The following BCL11B variants were observed in gnomAD, a reference collection of about 807,000 sequenced individuals.
BCL11B encodes B-cell lymphoma/leukemia 11B.
In BCL11B, 8 loss-of-function variants were observed where a neutral mutation model predicts 49.9. The observed-to-expected ratio is 0.16, with a 90% CI of 0.09 to 0.29. The LOEUF (loss-of-function observed/expected upper bound fraction) is 0.29. Among genes scored for constraint, BCL11B ranks in the 10% least tolerant of loss-of-function variants. The pLI, the probability that BCL11B is intolerant of heterozygous loss-of-function variation, is 1.00. For missense variants in BCL11B, 1,006 were observed against 1,351.0 expected, an observed-to-expected ratio of 0.74 and a Z score of 4.00; for synonymous variants, 739 against 637.4, an observed-to-expected ratio of 1.16 and a Z score of -2.40.
intron 3 of BCL11B, among the ~76,000 whole-genome samples, chr14:99,226,195 T>TA: frequency 6.6e-6 from 1 of 152,308 alleles, no homozygotes; most frequent in Admixed American, 6.5e-5. Context: ...GAAAGCCCTT[T>TA]TCCTACATGG....
chr14:99,217,875 G>T (rs140822076), intron 3 of BCL11B, among the ~76,000 whole-genome samples: 2 of 152,056 alleles, frequency 1.3e-5, no homozygotes, highest in Non-Finnish European at 2.9e-5. Context: ...AGTGGGCTCC[G>T]AACTCCACTC....
chr14:99,207,151 T>C (rs745873803), intron 3 of BCL11B, among the ~76,000 whole-genome samples: 1 of 152,238 alleles, frequency 6.6e-6, no homozygotes, highest in Non-Finnish European at 1.5e-5. Context: ...GGACTACCTT[T>C]TCTGTCCCTT....
chr14:99,196,621 GC>G (rs754340172), intron 3 of BCL11B, among the ~76,000 whole-genome samples: 1 of 152,164 alleles, frequency 6.6e-6, no homozygotes. Flanking sequence ...CTTGACAGAT[GC>G]CCCCCAAGAT....
At chr14:99,251,053 C>T (rs756864417) in intron 2 of BCL11B, among the ~76,000 whole-genome samples, 5 of 152,168 alleles carry the variant, frequency 3.3e-5, no homozygotes, top group Non-Finnish European at 7.3e-5. Flanking sequence ...AGGAAGGGCT[C>T]ACCCCCTTTC....
intron 3 of BCL11B, among the ~76,000 whole-genome samples, chr14:99,191,061 G>A (rs1166232765): frequency 6.6e-6 from 1 of 152,178 alleles, no homozygotes; most frequent in East Asian, 1.9e-4. Context: ...CCTCAAAATA[G>A]ATACTAATAT....
In BCL11B at chr14:99,242,835, A is replaced by T. The variant is rs750425326; in HGVS notation, c.428-11278T>A. On this transcript the variant is annotated intron_variant, in intron 2 of 3. Coordinates refer to ENST00000357195, the MANE Select transcript of BCL11B (RefSeq NM_138576.4). This position sits in a 1 kb window ranked among gnomAD's most constrained non-coding sequence, Gnocchi z 4.4. Reference sequence around the variant, plus strand: ...CCAAAAAGTAAAATGGAGCCCCAATAGGACACTTAGGCCCTCTGGCTTCCC... The same window carrying T: ...CCAAAAAGTAAAATGGAGCCCCAATTGGACACTTAGGCCCTCTGGCTTCCC... 2.6e-5 allele frequency among the ~76,000 whole-genome samples: 4 copies of T among 152,244 alleles called. No homozygotes were observed. Among genetic ancestry groups the T allele is most frequent in the Non-Finnish European group, 4.4e-5 (3 of 68,034 alleles).
chr14:99,201,712 C>T (rs1254007017), intron 3 of BCL11B, among the ~76,000 whole-genome samples: 1 of 152,198 alleles, frequency 6.6e-6, no homozygotes, highest in East Asian at 1.9e-4. Flanking sequence ...ACTGGCATCC[C>T]CTCTGCCTTG....
Position 99,231,947 on chromosome 14 carries a change from G to A in BCL11B, c.428-390C>T, listed in dbSNP as rs997716511. On this transcript the variant is annotated intron_variant, in intron 2 of 3. Transcript: ENST00000357195. This position sits in a 1 kb window ranked among gnomAD's most constrained non-coding sequence, Gnocchi z 8.1. ...TTTGGGGATTTGTTTCCAAAACTTC[G>A]GGCTACCCCTCCCTGGAAGAGCTGG... Among the ~76,000 whole-genome samples the A allele has an allele frequency of 1.3e-5, 2 of 152,028 alleles. No individual in the cohort carries two copies. Among genetic ancestry groups the A allele is most frequent in the African/African-American group, 2.4e-5 (1 of 41,392 alleles).
At position 99,216,201 on chromosome 14, in the gene BCL11B, C is replaced by T. The variant is rs934264278; in HGVS notation, c.640+15144G>A. Among the ~76,000 whole-genome samples, 11 of 152,328 alleles carry T rather than the reference C, an allele frequency of 7.2e-5. No homozygotes were observed. The East Asian group carries it at 2.1e-3, about 29-fold the overall frequency. On this transcript the variant is annotated intron_variant, in intron 3 of 3. Coordinates refer to ENST00000357195, the MANE Select transcript of BCL11B (RefSeq NM_138576.4). ...TGAAATCGGACTGCCTCCATTTCCTCATCCGTAAAATGGGGATGTGAAAAG... is the reference window on the plus strand; with the variant it reads ...TGAAATCGGACTGCCTCCATTTCCTTATCCGTAAAATGGGGATGTGAAAAG...
At chr14:99,201,911 A>T (rs1439974384) in intron 3 of BCL11B, among the ~76,000 whole-genome samples, 1 of 152,162 alleles carries the variant, frequency 6.6e-6, no homozygotes, top group Non-Finnish European at 1.5e-5. Flanking sequence ...GACCAGAACA[A>T]TGCCAGGCTC....
rs181569390 is a variant in BCL11B, at chr14:99,172,913, C to T, written c.*1238G>A. Reference sequence around the variant, plus strand: ...TGATGGAACTCATCCCCTGCTTTTTCAGTAAAAGAGAATAGAAATTTGCAA... The same window carrying T: ...TGATGGAACTCATCCCCTGCTTTTTTAGTAAAAGAGAATAGAAATTTGCAA... On this transcript the variant is annotated 3_prime_UTR_variant, in exon 4 of 4. Transcript: ENST00000357195. The T allele has an allele frequency of 2.8e-3, 646 of 228,464 alleles. 1 individual carries two copies. Among genetic ancestry groups the T allele is most frequent in the Non-Finnish European group, 4.6e-3 (534 of 114,976 alleles). 14.2% of individuals were successfully genotyped at this position (228,464 alleles called of 1,614,324 possible). A position where few individuals can be genotyped will look rare whatever the true frequency, so the allele number is the denominator to read the frequency against.
At position 99,231,474 on chromosome 14, in the gene BCL11B, G is replaced by A; in HGVS notation, c.511C>T (p.Leu171=). The stretch of plus-strand genomic sequence containing the variant: ...GGCGGGAGAGCGCCCAGGGCACGCA[G>A]AGGTGAAGTGATCACGGATGAGTGA... The part of the protein sequence containing the change: ...HPHSSVITSP[L]RALGALPPCL... The change falls in exon 3 of 4, where the codon CTG becomes TTG. Residue 171 remains leucine, a synonymous_variant. Coordinates refer to ENST00000357195, the MANE Select transcript of BCL11B (RefSeq NM_138576.4). The surrounding 1 kb of genome is among the most constrained non-coding windows in gnomAD (Gnocchi z 8.1). 6.2e-7 allele frequency: 1 copy of A among 1,601,942 alleles called. No homozygotes were observed. Among genetic ancestry groups the A allele is most frequent in the Non-Finnish European group, 8.5e-7 (1 of 1,174,714 alleles).
At chr14:99,188,501 C>T (rs576035011) in intron 3 of BCL11B, among the ~76,000 whole-genome samples, 2 of 139,292 alleles carry the variant, frequency 1.4e-5, no homozygotes, top group South Asian at 4.4e-4. Context: ...TTGTTTCCTT[C>T]GATATGCAGA....
chr14:99,177,315 G>C (rs953274330), intron 3 of BCL11B, among the ~76,000 whole-genome samples: 1 of 151,826 alleles, frequency 6.6e-6, no homozygotes, highest in East Asian at 1.9e-4. Context: ...TGGTGACACG[G>C]GCAGCAAATT....
intron 2 of BCL11B, among the ~76,000 whole-genome samples, chr14:99,246,812 A>C (rs575222510): frequency 6.6e-6 from 1 of 151,904 alleles, no homozygotes; most frequent in East Asian, 1.9e-4. Context: ...CGTCGCGGGG[A>C]GGGGAGGAGG....
At chr14:99,246,135 C>T (rs1191183893) in intron 2 of BCL11B, among the ~76,000 whole-genome samples, 1 of 152,008 alleles carries the variant, frequency 6.6e-6, no homozygotes, top group African/African-American at 2.4e-5. Flanking sequence ...CCCTTCGACT[C>T]GCCCACCCCC....
intron 1 of BCL11B, 144 bp downstream of exon 1, chr14:99,271,017 C>G: frequency 1.2e-6 from 1 of 855,004 alleles, no homozygotes; most frequent in Non-Finnish European, 1.7e-6. Flanking sequence ...CCCCGCCATG[C>G]TCCAGGCCGA....
intron 3 of BCL11B, among the ~76,000 whole-genome samples, chr14:99,214,088 G>A (rs1887762869): frequency 6.6e-6 from 1 of 152,160 alleles, no homozygotes; most frequent in South Asian, 2.1e-4. Flanking sequence ...GACCCCCTTG[G>A]TGAAACAGCA....
chr14:99,208,052 G>T (rs1213561833), intron 3 of BCL11B, among the ~76,000 whole-genome samples: 1 of 152,228 alleles, frequency 6.6e-6, no homozygotes, highest in African/African-American at 2.4e-5. Flanking sequence ...GTCTACCCCA[G>T]GAGGCCTGGC....
Sources: allele counts gnomAD v4.1 joint callset (sites outside exome capture counted in the v4.1 genomes callset), GRCh38; gene constraint gnomAD v4.1.1; non-coding constraint Gnocchi (gnomAD v3.1); transcripts MANE v1.5; gene names NCBI Gene and HGNC (gene_info 2026-07-23, HGNC 2026-07-21).